The following MCTP1 variants were observed in gnomAD, a reference collection of about 807,000 sequenced individuals.
MCTP1 encodes the protein multiple C2 and transmembrane domain containing 1, also known as multiple C2 and transmembrane domain-containing protein 1.
In MCTP1, 69 loss-of-function variants were observed where a neutral mutation model predicts 120.6. That is an observed-to-expected ratio of 0.57 (90% CI 0.47 to 0.70). The LOEUF is 0.70. Among genes scored for constraint, MCTP1 ranks in the 30% least tolerant of loss-of-function variants. The pLI, the probability that MCTP1 is intolerant of heterozygous loss-of-function variation, is 0.00. For missense variants in MCTP1, 1,203 were observed against 1,248.8 expected, an observed-to-expected ratio of 0.96 and a Z score of 0.55; for synonymous variants, 529 against 493.1, an observed-to-expected ratio of 1.07 and a Z score of -0.96.
chr5:94,997,643 AC>A (rs571695368), intron 2 of MCTP1, among the ~76,000 whole-genome samples: 12 of 152,264 alleles, frequency 7.9e-5, no homozygotes, highest in Middle Eastern at 3.4e-3. Flanking sequence ...CCCCTGTACT[AC>A]CTATCAACAT....
intron 4 of MCTP1, among the ~76,000 whole-genome samples, chr5:94,941,510 TAGAA>T (rs1484260364): frequency 6.6e-6 from 1 of 151,988 alleles, no homozygotes; most frequent in Non-Finnish European, 1.5e-5. Context: ...TTTACAGAAA[TAGAA>T]AGTAGTGATC....
chr5:95,114,975 T>A (rs1291323923), intron 1 of MCTP1, among the ~76,000 whole-genome samples: 2 of 152,028 alleles, frequency 1.3e-5, no homozygotes, highest in African/African-American at 4.8e-5. Context: ...AGAACAAGAG[T>A]CTTTGCTTGG....
chr5:94,707,879 CGT>C (rs1755133879), intron 22 of MCTP1, among the ~76,000 whole-genome samples: 1 of 151,224 alleles, frequency 6.6e-6, no homozygotes. Context: ...TACAATTTAT[CGT>C]GTGTTTGCTT....
At chr5:95,102,299 A>C (rs35966946) in intron 1 of MCTP1, among the ~76,000 whole-genome samples, 73,432 of 152,036 alleles carry the variant, frequency 0.48, 19,651 homozygotes, top group Non-Finnish European at 0.61. Context: ...ACTCCAGTCC[A>C]GCCAGTCTCA....
intron 1 of MCTP1, among the ~76,000 whole-genome samples, chr5:95,116,536 A>T (rs1460940640): frequency 6.6e-6 from 1 of 151,294 alleles, no homozygotes; most frequent in Non-Finnish European, 1.5e-5. Flanking sequence ...GGTTTCATAT[A>T]AATTTTTAAA....
intron 1 of MCTP1, among the ~76,000 whole-genome samples, chr5:95,051,436 C>T (rs1483891360): frequency 1.3e-5 from 2 of 152,128 alleles, no homozygotes; most frequent in African/African-American, 4.8e-5. Context: ...AGATCTGTGA[C>T]AGTGATTCTG....
intron 1 of MCTP1, among the ~76,000 whole-genome samples, chr5:95,166,830 G>A (rs571030907): frequency 6.6e-6 from 1 of 151,696 alleles, no homozygotes; most frequent in Non-Finnish European, 1.5e-5. Flanking sequence ...GCCTCCCAAA[G>A]TGCTGGGATT....
intron 1 of MCTP1, among the ~76,000 whole-genome samples, chr5:95,031,028 A>C (rs1021587423): frequency 1.3e-5 from 2 of 152,148 alleles, no homozygotes; most frequent in Non-Finnish European, 2.9e-5. Flanking sequence ...CTAACCAAGC[A>C]AAAGAATGAA....
At chr5:95,168,029 G>A (rs1465421850) in intron 1 of MCTP1, among the ~76,000 whole-genome samples, 2 of 152,138 alleles carry the variant, frequency 1.3e-5, no homozygotes, top group Non-Finnish European at 2.9e-5. Context: ...ATGGTTTTAG[G>A]TCTAACATTT....
intron 2 of MCTP1, among the ~76,000 whole-genome samples, chr5:94,988,604 T>G (rs1197872633): frequency 6.6e-6 from 1 of 151,532 alleles, no homozygotes; most frequent in East Asian, 1.9e-4. Flanking sequence ...TGTGTTTTTT[T>G]TTTTTTTTTT....
intron 3 of MCTP1, among the ~76,000 whole-genome samples, chr5:94,951,177 T>A (rs1820467745): frequency 6.6e-6 from 1 of 152,188 alleles, no homozygotes; most frequent in Non-Finnish European, 1.5e-5. Context: ...TGTGTGCACA[T>A]TATGTAGCTC....
chr5:94,929,384 A>G (rs1246747186), intron 6 of MCTP1, among the ~76,000 whole-genome samples: 2 of 152,224 alleles, frequency 1.3e-5, no homozygotes, highest in Non-Finnish European at 2.9e-5. Flanking sequence ...GATTCCAAAG[A>G]AGAAAATGAT....
chr5:95,037,698 T>G (rs1429573721), intron 1 of MCTP1, among the ~76,000 whole-genome samples: 1 of 152,056 alleles, frequency 6.6e-6, no homozygotes, highest in Non-Finnish European at 1.5e-5. Context: ...AAACCCCATC[T>G]CTACTAACAA....
chr5:95,020,890 T>C (rs537351305), intron 1 of MCTP1, among the ~76,000 whole-genome samples: 2 of 152,204 alleles, frequency 1.3e-5, no homozygotes, highest in Non-Finnish European at 2.9e-5. Flanking sequence ...GTTGGATCTG[T>C]TTCTGAAGTC....
At chr5:95,194,794 T>C (rs1750197985) in intron 1 of MCTP1, among the ~76,000 whole-genome samples, 1 of 152,080 alleles carries the variant, frequency 6.6e-6, no homozygotes, top group Non-Finnish European at 1.5e-5. Flanking sequence ...AGTAAGTGGA[T>C]GACATACAAT....
intron 2 of MCTP1, among the ~76,000 whole-genome samples, chr5:94,995,532 C>A (rs1248902288): frequency 1.3e-5 from 2 of 152,134 alleles, no homozygotes; most frequent in Non-Finnish European, 2.9e-5. Flanking sequence ...ACTCTCCTTG[C>A]AGAGTGAATT....
intron 2 of MCTP1, among the ~76,000 whole-genome samples, chr5:95,002,546 G>A (rs937802079): frequency 1.3e-5 from 2 of 152,200 alleles, no homozygotes; most frequent in African/African-American, 4.8e-5. Flanking sequence ...AGATCATTTG[G>A]GAACATTAAG....
At chr5:95,147,086 T>C (rs1357818568) in intron 1 of MCTP1, among the ~76,000 whole-genome samples, 1 of 151,952 alleles carries the variant, frequency 6.6e-6, no homozygotes. Context: ...TTTTATTTTA[T>C]TTATTTATTT....
chr5:94,997,978 T>C (rs1468118509), intron 2 of MCTP1, among the ~76,000 whole-genome samples: 1 of 152,170 alleles, frequency 6.6e-6, no homozygotes, highest in Non-Finnish European at 1.5e-5. Flanking sequence ...GCTTATGTAT[T>C]ATAAATGACT....
Sources: allele counts gnomAD v4.1 joint callset (sites outside exome capture counted in the v4.1 genomes callset), GRCh38; gene constraint gnomAD v4.1.1; transcripts MANE v1.5; gene names NCBI Gene and HGNC (gene_info 2026-07-23, HGNC 2026-07-21).